Variants in SLC35F1 observed in about 807,000 individuals in gnomAD.
SLC35F1 encodes the protein solute carrier family 35 member F1.
In SLC35F1, 14 loss-of-function variants were observed where a neutral mutation model predicts 48.7. The ratio of observed to expected loss-of-function variants is 0.29; its 90% confidence interval spans 0.19 to 0.45. The LOEUF (loss-of-function observed/expected upper bound fraction) is 0.45. Ranked by LOEUF, SLC35F1 falls within the 20% of genes least tolerant of loss-of-function variation. The pLI, the probability that SLC35F1 is intolerant of heterozygous loss-of-function variation, is 1.00. For synonymous variants in SLC35F1, 190 were observed against 202.2 expected (o/e 0.94, Z 0.51); for missense variants, 404 against 500.0 (o/e 0.81, Z 1.83).
intron 1 of SLC35F1, among the ~76,000 whole-genome samples, chr6:118,076,131 A>C (rs1021074456): frequency 6.6e-6 from 1 of 152,184 alleles, no homozygotes; most frequent in Non-Finnish European, 1.5e-5. Context: ...CCCCATACTT[A>C]CTTAAATTTA....
At chr6:118,006,465 A>T (rs1211211121) in intron 1 of SLC35F1, among the ~76,000 whole-genome samples, 6 of 152,066 alleles carry the variant, frequency 3.9e-5, no homozygotes, top group South Asian at 2.1e-4. Context: ...AAAAATTTTT[A>T]AAAATTATCT....
At chr6:118,025,040 C>A (rs1198688108) in intron 1 of SLC35F1, among the ~76,000 whole-genome samples, 2 of 152,142 alleles carry the variant, frequency 1.3e-5, no homozygotes, top group African/African-American at 2.4e-5. Context: ...TTGTTAACAT[C>A]CTACATGAGT....
chr6:118,156,745 G>A (rs376619253), intron 2 of SLC35F1, among the ~76,000 whole-genome samples: 4 of 151,878 alleles, frequency 2.6e-5, no homozygotes, highest in Non-Finnish European at 4.4e-5. Context: ...AACTTGAAGC[G>A]CAGGGCTTCC....
intron 1 of SLC35F1, among the ~76,000 whole-genome samples, chr6:117,945,024 G>T (rs1582578066): frequency 6.6e-6 from 1 of 152,156 alleles, no homozygotes; most frequent in African/African-American, 2.4e-5. Flanking sequence ...GAACAAAGTA[G>T]ACAAAAATCT....
chr6:118,030,459 T>C (rs966687633), intron 1 of SLC35F1, among the ~76,000 whole-genome samples: 1 of 152,118 alleles, frequency 6.6e-6, no homozygotes, highest in African/African-American at 2.4e-5. Flanking sequence ...ATCTGACCCA[T>C]TCTGGAAGAG....
At chr6:118,134,952 G>A (rs1486557805) in intron 1 of SLC35F1, among the ~76,000 whole-genome samples, 2 of 152,132 alleles carry the variant, frequency 1.3e-5, no homozygotes, top group Non-Finnish European at 2.9e-5. Context: ...TTGTCAAAGT[G>A]AGGGACGCAG....
chr6:118,234,555 G>C (rs923441987), intron 2 of SLC35F1, among the ~76,000 whole-genome samples: 4 of 152,148 alleles, frequency 2.6e-5, no homozygotes, highest in African/African-American at 9.7e-5. Flanking sequence ...CAACTTACTA[G>C]GAGAACTTGA....
chr6:117,923,535 G>A (rs1209846947), intron 1 of SLC35F1, among the ~76,000 whole-genome samples: 1 of 134,734 alleles, frequency 7.4e-6, no homozygotes, highest in Non-Finnish European at 1.6e-5. Flanking sequence ...ACACATATAT[G>A]GAATAGAATG....
At chr6:118,040,670 T>C (rs1179368417) in intron 1 of SLC35F1, among the ~76,000 whole-genome samples, 1 of 151,892 alleles carries the variant, frequency 6.6e-6, no homozygotes, top group East Asian at 1.9e-4. Context: ...TAAAGGTTAG[T>C]AGTTTAACCT....
chr6:118,099,688 C>T (rs977893870), intron 1 of SLC35F1, among the ~76,000 whole-genome samples: 1 of 152,084 alleles, frequency 6.6e-6, no homozygotes, highest in Admixed American at 6.6e-5. Flanking sequence ...AGAGAATATT[C>T]CAGGTAAGAC....
intron 1 of SLC35F1, among the ~76,000 whole-genome samples, chr6:117,928,205 TAAATG>T (rs1339365530): frequency 6.6e-6 from 1 of 152,068 alleles, no homozygotes; most frequent in East Asian, 1.9e-4. Context: ...AAATGGGAAA[TAAATG>T]AGAGCGAATA....
chr6:118,204,854 T>C (rs1317076169), intron 2 of SLC35F1, among the ~76,000 whole-genome samples: 1 of 152,150 alleles, frequency 6.6e-6, no homozygotes, highest in East Asian at 1.9e-4. Context: ...CATTACATCA[T>C]CCACTGACTA....
intron 7 of SLC35F1, among the ~76,000 whole-genome samples, chr6:118,307,187 T>G (rs935432493): frequency 6.6e-6 from 1 of 152,242 alleles, no homozygotes; most frequent in African/African-American, 2.4e-5. Flanking sequence ...CAGAATCCAT[T>G]TGGCATTCTG....
intron 2 of SLC35F1, among the ~76,000 whole-genome samples, chr6:118,177,732 G>A (rs903404329): frequency 6.6e-6 from 1 of 151,864 alleles, no homozygotes; most frequent in African/African-American, 2.4e-5. Context: ...ATTTTCCTCT[G>A]TTATAGTTCC....
intron 1 of SLC35F1, among the ~76,000 whole-genome samples, chr6:117,933,318 C>T (rs1025013406): frequency 1.1e-4 from 16 of 152,276 alleles, no homozygotes; most frequent in East Asian, 1.9e-4. Flanking sequence ...GTAAACTCTA[C>T]GAAGCTCTTC....
chr6:118,048,342 T>C (rs1772331233), intron 1 of SLC35F1, among the ~76,000 whole-genome samples: 1 of 152,142 alleles, frequency 6.6e-6, no homozygotes, highest in Non-Finnish European at 1.5e-5. Context: ...TCTAAAATTC[T>C]CTTTTTTGGT....
chr6:118,205,679 A>G (rs1774926196), intron 2 of SLC35F1, among the ~76,000 whole-genome samples: 1 of 152,246 alleles, frequency 6.6e-6, no homozygotes, highest in African/African-American at 2.4e-5. Context: ...GGACTCAAAC[A>G]GGTATTTGTA....
intron 1 of SLC35F1, among the ~76,000 whole-genome samples, chr6:118,054,965 C>G (rs1772443286): frequency 6.6e-6 from 1 of 151,972 alleles, no homozygotes; most frequent in Non-Finnish European, 1.5e-5. Context: ...TTAGTGGAGA[C>G]GGGGTTTCAC....
chr6:117,954,685 A>G (rs371926802), intron 1 of SLC35F1, among the ~76,000 whole-genome samples: 2 of 152,320 alleles, frequency 1.3e-5, no homozygotes, highest in African/African-American at 4.8e-5. Context: ...TATTTGTTCT[A>G]CTGCATCCTA....
Sources: allele counts gnomAD v4.1 joint callset (sites outside exome capture counted in the v4.1 genomes callset), GRCh38; gene constraint gnomAD v4.1.1; transcripts MANE v1.5; gene names NCBI Gene and HGNC (gene_info 2026-07-23, HGNC 2026-07-21).